Variants in RCSD1 observed in about 807,000 individuals in gnomAD.
RCSD1 encodes capZ-interacting protein.
In RCSD1, 26 loss-of-function variants were observed where a neutral mutation model predicts 42.5. The observed-to-expected ratio is 0.61, with a 90% confidence interval of 0.45 to 0.85. RCSD1 has a LOEUF of 0.85. RCSD1 is among the 40% of genes least tolerant of loss of function. RCSD1 has a pLI of 0.00. For missense variants in RCSD1, 571 were observed against 528.3 expected, an observed-to-expected ratio of 1.08 and a Z score of -0.79; for synonymous variants, 220 against 212.2, an observed-to-expected ratio of 1.04 and a Z score of -0.32.
At chr1:167,663,414 G>A (rs1658582834) in intron 1 of RCSD1, 1 of 152,258 alleles carries the variant, frequency 6.6e-6, no homozygotes, top group Non-Finnish European at 1.5e-5. Flanking sequence ...GTAACGGCAA[G>A]ACCCTCCCCA....
intron 4 of RCSD1, 69 bp from the exon 5 acceptor site, chr1:167,694,030 A>G (rs1323706813): frequency 2.0e-6 from 3 of 1,519,958 alleles, no homozygotes; most frequent in African/African-American, 2.7e-5. Flanking sequence ...CCAGATAACC[A>G]ACAAGCTAAA....
chr1:167,692,500 C>T (rs1659397839), intron 4 of RCSD1, among the ~76,000 whole-genome samples: 1 of 151,950 alleles, frequency 6.6e-6, no homozygotes, highest in Non-Finnish European at 1.5e-5. Flanking sequence ...CCTGGGTACT[C>T]CCCATATGCC....
chr1:167,664,933 AAGACTG>A (rs1166516819), intron 1 of RCSD1: 1 of 152,040 alleles, frequency 6.6e-6, no homozygotes, highest in Non-Finnish European at 1.5e-5. Context: ...AGCTACTCAG[AAGACTG>A]AGGCACGAGA....
chr1:167,662,374 A>G (rs959999359), intron 1 of RCSD1, among the ~76,000 whole-genome samples: 1 of 152,178 alleles, frequency 6.6e-6, no homozygotes, highest in East Asian at 1.9e-4. Flanking sequence ...TGTATGTGGT[A>G]TATGCAGGCT....
At chr1:167,637,343 G>A (rs1488324160) in intron 1 of RCSD1, among the ~76,000 whole-genome samples, 1 of 152,158 alleles carries the variant, frequency 6.6e-6, no homozygotes, top group African/African-American at 2.4e-5. Context: ...TGCCCTAAAA[G>A]GAACTCATTC....
chr1:167,647,502 C>T (rs1353089404), intron 1 of RCSD1, among the ~76,000 whole-genome samples: 1 of 152,078 alleles, frequency 6.6e-6, no homozygotes, highest in African/African-American at 2.4e-5. Context: ...AGGAGAATTG[C>T]TTGAGCCTAG....
intron 3 of RCSD1, among the ~76,000 whole-genome samples, chr1:167,689,492 A>AAG (rs545493836): frequency 0.043 from 6,359 of 148,542 alleles, 192 homozygotes; most frequent in Middle Eastern, 0.12. Flanking sequence ...AAAAAAAAAA[A>AAG]AAAAAGAAAA....
intron 1 of RCSD1, among the ~76,000 whole-genome samples, chr1:167,665,952 C>T (rs961275132): frequency 2.0e-5 from 3 of 152,170 alleles, no homozygotes; most frequent in Non-Finnish European, 4.4e-5. Context: ...GCTGAGATTA[C>T]AGGCGTGTGC....
At chr1:167,642,830 C>A (rs2102199884) in intron 1 of RCSD1, among the ~76,000 whole-genome samples, 1 of 152,170 alleles carries the variant, frequency 6.6e-6, no homozygotes, top group East Asian at 1.9e-4. Flanking sequence ...TAAGCCCTAC[C>A]TTTTGTCCCT....
intron 1 of RCSD1, among the ~76,000 whole-genome samples, chr1:167,632,326 A>C (rs939687906): frequency 1.3e-5 from 2 of 152,178 alleles, no homozygotes; most frequent in African/African-American, 4.8e-5. Flanking sequence ...AGGATTGGAG[A>C]TAAGAGAAAA....
intron 1 of RCSD1, chr1:167,641,801 G>A (rs1229385): frequency 0.79 from 120,791 of 152,220 alleles, 48,067 homozygotes; most frequent in African/African-American, 0.85. Flanking sequence ...TGAAAGAAGT[G>A]ATTACAAAAC....
chr1:167,688,780 T>C (rs1659303029), intron 3 of RCSD1, among the ~76,000 whole-genome samples: 2 of 152,154 alleles, frequency 1.3e-5, no homozygotes, highest in South Asian at 2.1e-4. Context: ...GTTCTTCTTA[T>C]TGTTCAGGAA....
chr1:167,677,844 C>T (rs771609642), intron 1 of RCSD1, among the ~76,000 whole-genome samples: 1 of 152,120 alleles, frequency 6.6e-6, no homozygotes, highest in Non-Finnish European at 1.5e-5. Flanking sequence ...GGGAAAAGAT[C>T]TTGAGGCCCA....
At chr1:167,644,674 C>T (rs1571672965) in intron 1 of RCSD1, among the ~76,000 whole-genome samples, 1 of 152,050 alleles carries the variant, frequency 6.6e-6, no homozygotes, top group Admixed American at 6.5e-5. Flanking sequence ...CTTCCTCCCC[C>T]CACATACCTG....
At chr1:167,665,922 G>A (rs549163773) in intron 1 of RCSD1, among the ~76,000 whole-genome samples, 5 of 151,776 alleles carry the variant, frequency 3.3e-5, no homozygotes, top group South Asian at 4.2e-4. Flanking sequence ...AGAGATTCTC[G>A]TGCCTCAGCC....
chr1:167,649,926 G>T (rs1378204961), intron 1 of RCSD1, among the ~76,000 whole-genome samples: 1 of 152,202 alleles, frequency 6.6e-6, no homozygotes, highest in Non-Finnish European at 1.5e-5. Flanking sequence ...TGGGGCAGCT[G>T]TAAAGATGCA....
chr1:167,695,128 T>C (rs1029964115), intron 5 of RCSD1, among the ~76,000 whole-genome samples: 17 of 151,166 alleles, frequency 1.1e-4, no homozygotes, highest in Non-Finnish European at 4.4e-5. Flanking sequence ...AATAAACTAG[T>C]GGTAAGGAGG....
At chr1:167,645,082 TG>T (rs147760004) in intron 1 of RCSD1, among the ~76,000 whole-genome samples, 5,750 of 152,300 alleles carry the variant, frequency 0.038, 144 homozygotes, top group South Asian at 0.08. Flanking sequence ...TAAACATTTT[TG>T]TTAATGACTT....
At chr1:167,668,554 C>T (rs1260426993) in intron 1 of RCSD1, among the ~76,000 whole-genome samples, 1 of 152,060 alleles carries the variant, frequency 6.6e-6, no homozygotes, top group Non-Finnish European at 1.5e-5. Context: ...GCATTTATCA[C>T]CCTAATAAAT....
Sources: allele counts gnomAD v4.1 joint callset (sites outside exome capture counted in the v4.1 genomes callset), GRCh38; gene constraint gnomAD v4.1.1; transcripts MANE v1.5; gene names NCBI Gene and HGNC (gene_info 2026-07-23, HGNC 2026-07-21).